The following WWOX variants were observed in gnomAD, a reference collection of about 807,000 sequenced individuals.
WWOX encodes WW domain-containing oxidoreductase.
A neutral mutation model predicts 46.2 loss-of-function variants in WWOX; 69 were observed. The ratio of observed to expected loss-of-function variants is 1.49; its 90% CI spans 1.23 to 1.82. The LOEUF (loss-of-function observed/expected upper bound fraction) is 1.82. Ranked by LOEUF, WWOX falls within the 40% of genes most tolerant of loss-of-function variation. The pLI is 0.00. For missense variants in WWOX, 919 were observed against 542.6 expected, an observed-to-expected ratio of 1.69 and a Z score of -6.89; for synonymous variants, 359 against 202.6, an observed-to-expected ratio of 1.77 and a Z score of -6.56.
chr16:78,430,583 CAGA>C (rs2083193416), intron 7 of WWOX, among the ~76,000 whole-genome samples: 1 of 152,092 alleles, frequency 6.6e-6, no homozygotes, highest in African/African-American at 2.4e-5. Context: ...TCACGACAAC[CAGA>C]AGAAGGCCGT....
At chr16:78,476,610 A>C (rs2084353883) in intron 8 of WWOX, among the ~76,000 whole-genome samples, 2 of 44,862 alleles carry the variant, frequency 4.5e-5, no homozygotes, top group Admixed American at 3.3e-4. Context: ...TATAATAAAA[A>C]ATACATATTA....
At chr16:78,751,255 A>G (rs1422574623) in intron 8 of WWOX, among the ~76,000 whole-genome samples, 1 of 151,820 alleles carries the variant, frequency 6.6e-6, no homozygotes, top group African/African-American at 2.4e-5. Flanking sequence ...ATATGAGATA[A>G]ATATACCTGG....
intron 8 of WWOX, among the ~76,000 whole-genome samples, chr16:78,471,383 G>A (rs1251276505): frequency 1.3e-5 from 2 of 152,216 alleles, no homozygotes; most frequent in Non-Finnish European, 2.9e-5. Context: ...CTGGTGGAAT[G>A]TTTACAAATG....
At chr16:78,791,097 C>A (rs953957906) in intron 8 of WWOX, among the ~76,000 whole-genome samples, 2 of 151,828 alleles carry the variant, frequency 1.3e-5, no homozygotes, top group African/African-American at 2.4e-5. Flanking sequence ...CACAGGGCCC[C>A]TGAAGGAAGG....
intron 8 of WWOX, chr16:79,101,205 T>C (rs2049185929): frequency 6.6e-6 from 1 of 152,218 alleles, no homozygotes. Context: ...GAGAGATCTT[T>C]GGAGACATTT....
intron 8 of WWOX, among the ~76,000 whole-genome samples, chr16:78,873,715 G>A (rs1370400389): frequency 6.6e-6 from 1 of 152,162 alleles, no homozygotes; most frequent in African/African-American, 2.4e-5. Flanking sequence ...CTTGAGGCCG[G>A]AAGTTCAAGG....
chr16:78,524,019 T>G (rs1367007643), intron 8 of WWOX, among the ~76,000 whole-genome samples: 1 of 152,220 alleles, frequency 6.6e-6, no homozygotes, highest in Non-Finnish European at 1.5e-5. Flanking sequence ...CTGTTTCGTG[T>G]GGATCACATG....
At chr16:78,176,690 G>A (rs970508079) in intron 5 of WWOX, among the ~76,000 whole-genome samples, 7 of 152,180 alleles carry the variant, frequency 4.6e-5, no homozygotes, top group Non-Finnish European at 1.0e-4. Context: ...AGGTGCTGGA[G>A]CAGAAAGAAT....
rs75707675 is a variant in WWOX at position 78,120,761 on chromosome 16, A to G, written c.409+5607A>G. Among the ~76,000 whole-genome samples the G allele has an allele frequency of 3.6e-3, 547 of 152,272 alleles. 5 individuals are homozygous for G. Among genetic ancestry groups the G allele is most frequent in the African/African-American group, 0.011 (444 of 41,540 alleles). On this transcript the variant is annotated intron_variant, in intron 4 of 8. Coordinates refer to ENST00000566780, the MANE Select transcript of WWOX (RefSeq NM_016373.4). ...CTCTTTGATCCTACAAATTGTCACC[A>G]CGATGAATTCATATCTTGTGCAAAT...
intron 5 of WWOX, among the ~76,000 whole-genome samples, chr16:78,379,529 C>G (rs2081907297): frequency 6.6e-6 from 1 of 152,184 alleles, no homozygotes. Flanking sequence ...TAACAAAGAG[C>G]TGCTGCTTTG....
At chr16:78,806,624 G>T (rs1009749206) in intron 8 of WWOX, among the ~76,000 whole-genome samples, 3 of 152,014 alleles carry the variant, frequency 2.0e-5, no homozygotes, top group African/African-American at 4.8e-5. Flanking sequence ...ACAATATGGC[G>T]GCTGGGTTCC....
chr16:78,692,994 C>T (rs1282453517), intron 8 of WWOX, among the ~76,000 whole-genome samples: 1 of 152,166 alleles, frequency 6.6e-6, no homozygotes, highest in Non-Finnish European at 1.5e-5. Flanking sequence ...TATGGGGTTG[C>T]ATCCACGGAA....
chr16:79,012,526 C>T (rs752382338), intron 8 of WWOX, among the ~76,000 whole-genome samples: 8 of 152,162 alleles, frequency 5.3e-5, no homozygotes, highest in African/African-American at 7.2e-5. Flanking sequence ...AGAGCCACTG[C>T]GCAGACGGAC....
intron 6 of WWOX, among the ~76,000 whole-genome samples, chr16:78,393,460 A>G (rs542270163): frequency 1.3e-5 from 2 of 152,262 alleles, no homozygotes; most frequent in East Asian, 3.9e-4. Context: ...GAAACGTGAG[A>G]CCAGCCTGGG....
In WWOX at chr16:79,212,061, T is replaced by G; in HGVS notation, c.*265T>G. The G allele has an allele frequency of 6.5e-7, 1 of 1,536,454 alleles. No individual in the cohort carries two copies. The highest frequency in any genetic ancestry group is 8.7e-7 in the Non-Finnish European group (1 of 1,146,946). On this transcript the variant is annotated 3_prime_UTR_variant, in exon 9 of 9. Coordinates refer to ENST00000566780, the MANE Select transcript of WWOX (RefSeq NM_016373.4). ...GCCTGTTTGAAAGTAAAAACCTGCTTGGTGTGTAGGTTCCGTATCTCCCTG... is the reference window on the plus strand; with the variant it reads ...GCCTGTTTGAAAGTAAAAACCTGCTGGGTGTGTAGGTTCCGTATCTCCCTG...
chr16:78,862,615 G>C (rs1280906806), intron 8 of WWOX, among the ~76,000 whole-genome samples: 1 of 152,088 alleles, frequency 6.6e-6, no homozygotes, highest in African/African-American at 2.4e-5. Flanking sequence ...TCATGTCTGA[G>C]TCTGAGCAGC....
rs908974097 is a variant in WWOX, at chr16:78,946,366, T to A, written c.1057-265242T>A. Among the ~76,000 whole-genome samples, 5 of 152,186 alleles carry A rather than the reference T, an allele frequency of 3.3e-5. No homozygotes were observed. The East Asian group carries it at 5.8e-4, about 18-fold the overall frequency. On this transcript the variant is annotated intron_variant, in intron 8 of 8. Transcript: ENST00000566780. ...CACCATGCCCAGCTAATTTTTTGTA[T>A]TTTTAGTAGAGACGGGGTTTCACCA...
intron 8 of WWOX, among the ~76,000 whole-genome samples, chr16:78,673,084 C>T (rs375385534): frequency 2.0e-5 from 3 of 152,184 alleles, no homozygotes; most frequent in East Asian, 1.9e-4. Context: ...GCTTAGAGGG[C>T]TCAGAGGGAA....
At chr16:79,211,054 T>TGTGTGTGTGTGC (rs1358740330) in intron 8 of WWOX, among the ~76,000 whole-genome samples, 1 of 151,954 alleles carries the variant, frequency 6.6e-6, no homozygotes, top group Non-Finnish European at 1.5e-5. Context: ...TGTGTGTGTG[T>TGTGTGTGTGTGC]GTGCATTAAA....
Sources: gnomAD v4.1 joint callset for allele counts (sites outside exome capture counted in the v4.1 genomes callset) on GRCh38, gnomAD v4.1.1 for gene constraint, MANE v1.5 for transcripts, NCBI Gene and HGNC (gene_info 2026-07-23, HGNC 2026-07-21) for gene names.